The following DLGAP2 variants were observed in gnomAD, a reference collection of about 807,000 sequenced individuals.
DLGAP2 encodes disks large-associated protein 2.
A neutral mutation model predicts 100.3 loss-of-function variants in DLGAP2; 26 were observed. The observed-to-expected ratio is 0.26, with a 90% CI of 0.19 to 0.36. The LOEUF (loss-of-function observed/expected upper bound fraction) is 0.36. Among genes scored for constraint, DLGAP2 ranks in the 10% least tolerant of loss-of-function variants. DLGAP2 has a pLI of 1.00. For synonymous variants in DLGAP2, 886 were observed against 630.1 expected, an observed-to-expected ratio of 1.41 and a Z score of -6.08; for missense variants, 1,858 against 1,453.2, an observed-to-expected ratio of 1.28 and a Z score of -4.53.
chr8:982,313 G>C (rs753512822), intron 2 of DLGAP2, among the ~76,000 whole-genome samples: 29 of 152,234 alleles, frequency 1.9e-4, no homozygotes, highest in African/African-American at 7.0e-4. Context: ...CAGCATGTGC[G>C]ACAGTTTTTA....
intron 3 of DLGAP2, among the ~76,000 whole-genome samples, chr8:1,356,401 AT>A (rs1801851964): frequency 6.6e-6 from 1 of 152,212 alleles, no homozygotes; most frequent in Admixed American, 6.5e-5. Context: ...AACCAGAAAA[AT>A]AAAACCATGT....
At chr8:982,481 T>C (rs1410197138) in intron 2 of DLGAP2, among the ~76,000 whole-genome samples, 1 of 152,230 alleles carries the variant, frequency 6.6e-6, no homozygotes, top group Non-Finnish European at 1.5e-5. Flanking sequence ...CAAAGGGCTT[T>C]TCTCTAGAAA....
chr8:1,119,446 C>A (rs149404009), intron 2 of DLGAP2, among the ~76,000 whole-genome samples: 3 of 152,316 alleles, frequency 2.0e-5, no homozygotes, highest in African/African-American at 7.2e-5. Flanking sequence ...AAGAACATTG[C>A]TTAACTTCTG....
At chr8:1,258,349 A>G (rs956300590) in intron 2 of DLGAP2, among the ~76,000 whole-genome samples, 7 of 151,358 alleles carry the variant, frequency 4.6e-5, no homozygotes, top group Non-Finnish European at 1.0e-4. Flanking sequence ...ACTACCAAAC[A>G]CCACATGATC....
At chr8:1,639,201 G>T (rs1797839543) in intron 8 of DLGAP2, among the ~76,000 whole-genome samples, 1 of 152,202 alleles carries the variant, frequency 6.6e-6, no homozygotes, top group Non-Finnish European at 1.5e-5. Flanking sequence ...CCGAACAGGA[G>T]GGTATAGAAA....
At chr8:1,545,624 T>G (rs1801509537) in intron 4 of DLGAP2, among the ~76,000 whole-genome samples, 1 of 152,244 alleles carries the variant, frequency 6.6e-6, no homozygotes, top group Non-Finnish European at 1.5e-5. Context: ...GAGACCTAGC[T>G]TAGTGCTCGT....
rs117044511 is a variant in DLGAP2 at position 806,444 on chromosome 8, C to T, written c.18+68619C>T. Among the ~76,000 whole-genome samples the T allele has an allele frequency of 5.2e-3, 794 of 152,268 alleles. 3 individuals carry two copies. Among genetic ancestry groups the T allele is most frequent in the Middle Eastern group, 0.044 (13 of 294 alleles). On this transcript the variant is annotated intron_variant, in intron 1 of 14. Coordinates refer to ENST00000637795, the MANE Select transcript of DLGAP2 (RefSeq NM_001346810.2). ...GTCACCGCGGCCAGGGGATCCAATG[C>T]GCACCTGGAGAATTGGCAAATCCTG... is the stretch of plus-strand genomic sequence containing the variant.
At chr8:1,562,614 G>T (rs1365423722) in intron 5 of DLGAP2, among the ~76,000 whole-genome samples, 3 of 59,572 alleles carry the variant, frequency 5.0e-5, no homozygotes, top group African/African-American at 1.4e-4. Flanking sequence ...TCGTTGCTCG[G>T]GGACTGTGTG....
At chr8:1,228,350 G>C (rs1160376952) in intron 2 of DLGAP2, among the ~76,000 whole-genome samples, 2 of 152,220 alleles carry the variant, frequency 1.3e-5, no homozygotes, top group African/African-American at 2.4e-5. Context: ...TCCAGGTTCA[G>C]ATGGTCTCAC....
intron 2 of DLGAP2, among the ~76,000 whole-genome samples, chr8:1,197,595 G>C (rs6981899): frequency 0.67 from 101,277 of 151,316 alleles, 34,612 homozygotes; most frequent in African/African-American, 0.81. Context: ...AAACCTGAGC[G>C]AAGCCAATGT....
intron 14 of DLGAP2, among the ~76,000 whole-genome samples, chr8:1,700,657 C>T (rs1799539880): frequency 6.6e-6 from 1 of 152,170 alleles, no homozygotes; most frequent in South Asian, 2.1e-4. Flanking sequence ...TAAATATCGT[C>T]CACGTCAATG....
chr8:1,209,334 C>T (rs571588579), intron 2 of DLGAP2, among the ~76,000 whole-genome samples: 1 of 152,092 alleles, frequency 6.6e-6, no homozygotes, highest in Non-Finnish European at 1.5e-5. Flanking sequence ...ATAGAGGACC[C>T]AGAAATAGAG....
At position 1,632,401 on chromosome 8, in the gene DLGAP2, C is replaced by T. The variant is rs541168082; in HGVS notation, c.1591-426C>T. Reference sequence around the variant, plus strand: ...TGCACTGAATGTGCTTTCCCTTATACGGCCTCAGTGCCTGGAGCCATCGTG... The same window carrying T: ...TGCACTGAATGTGCTTTCCCTTATATGGCCTCAGTGCCTGGAGCCATCGTG... On this transcript the variant is annotated intron_variant, in intron 7 of 14. Transcript: ENST00000637795. 2.3e-4 allele frequency among the ~76,000 whole-genome samples: 35 copies of T among 152,264 alleles called. 1 individual carries two copies. In the South Asian group the frequency reaches 6.8e-3, roughly 30 times the overall value.
At chr8:980,350 A>G (rs1158700716) in intron 2 of DLGAP2, among the ~76,000 whole-genome samples, 1 of 152,186 alleles carries the variant, frequency 6.6e-6, no homozygotes, top group Non-Finnish European at 1.5e-5. Flanking sequence ...TGATGGCTGT[A>G]GGGTCCAGAT....
intron 3 of DLGAP2, among the ~76,000 whole-genome samples, chr8:1,363,453 C>T (rs950912487): frequency 3.9e-5 from 6 of 152,238 alleles, no homozygotes; most frequent in African/African-American, 1.4e-4. Context: ...CTCCGTCCCC[C>T]ACACGCGTTT....
intron 2 of DLGAP2, among the ~76,000 whole-genome samples, chr8:1,179,152 ATT>A (rs1797326144): frequency 6.6e-6 from 1 of 152,074 alleles, no homozygotes; most frequent in Non-Finnish European, 1.5e-5. Flanking sequence ...CAGGGACTTA[ATT>A]TCTTTAATCC....
chr8:1,583,994 G>GAGTT (rs1464628023), intron 6 of DLGAP2, among the ~76,000 whole-genome samples: 1 of 152,032 alleles, frequency 6.6e-6, no homozygotes, highest in African/African-American at 2.4e-5. Flanking sequence ...AGGCTCCCTG[G>GAGTT]AGTTACGTCC....
chr8:776,691 T>A (rs933519334), intron 1 of DLGAP2, among the ~76,000 whole-genome samples: 1 of 152,220 alleles, frequency 6.6e-6, no homozygotes, highest in Non-Finnish European at 1.5e-5. Context: ...GACTTCTAGT[T>A]TGATTGCACT....
chr8:774,561 A>C (rs1468596307), intron 1 of DLGAP2, among the ~76,000 whole-genome samples: 15 of 149,634 alleles, frequency 1.0e-4, no homozygotes, highest in African/African-American at 2.9e-4. Flanking sequence ...TCAGCTTTCT[A>C]CATATGGCTA....
Sources: gnomAD v4.1 joint callset for allele counts (sites outside exome capture counted in the v4.1 genomes callset) on GRCh38, gnomAD v4.1.1 for gene constraint, MANE v1.5 for transcripts, NCBI Gene and HGNC (gene_info 2026-07-23, HGNC 2026-07-21) for gene names.